Variants in DMD observed in about 807,000 individuals in gnomAD.
DMD encodes dystrophin.
A neutral mutation model predicts 330.1 loss-of-function variants in DMD; 63 were observed. The ratio of observed to expected loss-of-function variants is 0.19; its 90% CI spans 0.16 to 0.24. The LOEUF (loss-of-function observed/expected upper bound fraction) is 0.24. DMD is among the 10% of genes least tolerant of loss of function. The probability of loss-of-function intolerance (pLI) is 1.00; values close to 1 mark genes in which losing one functional copy is unlikely to be tolerated. For synonymous variants in DMD, 1,223 were observed against 959.8 expected (o/e 1.27, Z -5.07); for missense variants, 3,344 against 2,684.1 (o/e 1.25, Z -5.43).
chrX:31,801,913 C>T (rs2092086026), intron 50 of DMD, among the ~76,000 whole-genome samples: 1 of 110,912 alleles, frequency 9.0e-6, no homozygotes, highest in Admixed American at 9.6e-5. Flanking sequence ...GAGCGTCTTT[C>T]CTGAGTATAA....
chrX:33,293,176 T>A (rs60235628), intron 1 of DMD, among the ~76,000 whole-genome samples: 1 of 111,425 alleles, frequency 9.0e-6, no homozygotes, highest in African/African-American at 3.3e-5. Context: ...CCAGGCGATG[T>A]CTCTTTTTCA....
At chrX:31,627,394 T>G (rs1288648426) in intron 55 of DMD, among the ~76,000 whole-genome samples, 2 of 112,510 alleles carry the variant, frequency 1.8e-5, no homozygotes. Context: ...AAGTTATTTC[T>G]CTGAGCAAAG....
At chrX:31,719,419 C>T (rs764390588) in intron 52 of DMD, among the ~76,000 whole-genome samples, 2 of 112,063 alleles carry the variant, frequency 1.8e-5, no homozygotes, top group Admixed American at 1.9e-4. Context: ...TATTAGCTTC[C>T]TAGGTCTTTT....
intron 44 of DMD, among the ~76,000 whole-genome samples, chrX:31,987,446 G>A (rs914728648): frequency 9.0e-6 from 1 of 111,221 alleles, no homozygotes; most frequent in Non-Finnish European, 1.9e-5. Flanking sequence ...CCCCATTCTC[G>A]CTTTTCCCCT....
At chrX:32,101,401 T>C (rs1198996641) in intron 44 of DMD, among the ~76,000 whole-genome samples, 1 of 111,454 alleles carries the variant, frequency 9.0e-6, no homozygotes, top group African/African-American at 3.3e-5. Context: ...AAAAGTCATG[T>C]AGTGGGCATA....
intron 44 of DMD, among the ~76,000 whole-genome samples, chrX:31,978,363 C>T (rs1371185339): frequency 1.8e-5 from 2 of 110,604 alleles, no homozygotes; most frequent in Admixed American, 1.9e-4. Context: ...CCGGTTGATT[C>T]CATCGTTATT....
intron 43 of DMD, among the ~76,000 whole-genome samples, chrX:32,248,674 T>A (rs1265592541): frequency 9.1e-6 from 1 of 110,291 alleles, no homozygotes; most frequent in Admixed American, 9.8e-5. Flanking sequence ...TGGTTCTCAA[T>A]AAAATTTGAG....
intron 8 of DMD, among the ~76,000 whole-genome samples, chrX:32,698,673 C>G (rs1480723566): frequency 9.0e-6 from 1 of 111,569 alleles, no homozygotes; most frequent in African/African-American, 3.3e-5. Flanking sequence ...AAATTGTTAT[C>G]CTGAATAATC....
chrX:31,271,281 T>C (rs1372674248), intron 62 of DMD, among the ~76,000 whole-genome samples: 4 of 111,408 alleles, frequency 3.6e-5, no homozygotes, highest in Non-Finnish European at 7.5e-5. Flanking sequence ...CAAGAGACAG[T>C]TGGACATCTG....
Position 32,970,695 on chromosome X carries a change from C to A in DMD, c.93+49444G>T, listed in dbSNP as rs779561281. Among the ~76,000 whole-genome samples, 16 of 92,583 alleles carry A rather than the reference C, an allele frequency of 1.7e-4. 2 individuals are homozygous for A. The highest frequency in any genetic ancestry group is 3.3e-4 in the Non-Finnish European group (16 of 49,011). 80.4% of individuals were successfully genotyped at this position (92,583 alleles called of 115,157 possible). On this transcript the variant is annotated intron_variant, in intron 2 of 78. Coordinates refer to ENST00000357033, the MANE Select transcript of DMD (RefSeq NM_004006.3). ...AAATAATAACGAAATTCAGTGGATTCTGAATAAGGCACAATAAGAAGAATT... is the reference window on the plus strand; with the variant it reads ...AAATAATAACGAAATTCAGTGGATTATGAATAAGGCACAATAAGAAGAATT...
At chrX:32,471,747 G>A (rs751553116) in intron 22 of DMD, among the ~76,000 whole-genome samples, 3 of 111,600 alleles carry the variant, frequency 2.7e-5, no homozygotes, top group South Asian at 7.6e-4. Context: ...GATATTCATA[G>A]GAGTTCCTGG....
chrX:31,212,039 A>G (rs1156370075), intron 64 of DMD, among the ~76,000 whole-genome samples: 2 of 110,317 alleles, frequency 1.8e-5, no homozygotes, highest in East Asian at 5.6e-4. Flanking sequence ...TTTTGATGAA[A>G]CATTAAATGT....
intron 2 of DMD, among the ~76,000 whole-genome samples, chrX:32,908,175 T>G (rs2086888299): frequency 8.9e-6 from 1 of 112,303 alleles, no homozygotes; most frequent in Admixed American, 9.5e-5. Context: ...TTCTATTAAC[T>G]TATGATATAT....
chrX:31,546,380 A>C (rs1310825124), intron 55 of DMD, among the ~76,000 whole-genome samples: 2 of 111,663 alleles, frequency 1.8e-5, no homozygotes, highest in African/African-American at 6.5e-5. Context: ...CCTGAGCTGA[A>C]GCTAGAACGT....
chrX:32,498,139 C>G (rs929908502), intron 19 of DMD, among the ~76,000 whole-genome samples: 4 of 110,881 alleles, frequency 3.6e-5, no homozygotes, highest in Non-Finnish European at 7.6e-5. Context: ...CTCACTTGCC[C>G]TCATTAAGTT....
At chrX:32,382,014 C>T (rs747504491) in intron 33 of DMD, among the ~76,000 whole-genome samples, 2 of 110,735 alleles carry the variant, frequency 1.8e-5, no homozygotes, top group Non-Finnish European at 3.8e-5. Flanking sequence ...AGGAATATTG[C>T]GAGGGTAAAG....
At chrX:31,956,166 G>A (rs1339903818) in intron 45 of DMD, among the ~76,000 whole-genome samples, 4 of 111,592 alleles carry the variant, frequency 3.6e-5, no homozygotes, top group Non-Finnish European at 7.5e-5. Flanking sequence ...TGATCCATGA[G>A]TGTAAGGACC....
At position 31,910,407 on chromosome X, in the gene DMD, G is replaced by T. The variant is rs776535389; in HGVS notation, c.6912+19189C>A. ...TTAGAATACAGTCGATACACAGTAA[G>T]TTATTAATAAATATTAACTATCATT... On this transcript the variant is annotated intron_variant, in intron 47 of 78. Coordinates refer to ENST00000357033, the MANE Select transcript of DMD (RefSeq NM_004006.3). Among the ~76,000 whole-genome samples the T allele has an allele frequency of 1.8e-3, 207 of 112,276 alleles. 1 individual carries two copies. Among genetic ancestry groups the T allele is most frequent in the African/African-American group, 6.5e-3 (202 of 30,949 alleles).
At chrX:32,336,006 TTATATATAAC>T (rs1569558543) in intron 41 of DMD, among the ~76,000 whole-genome samples, 3 of 92,032 alleles carry the variant, frequency 3.3e-5, no homozygotes, top group Non-Finnish European at 6.7e-5. Context: ...ATATATAACG[TTATATATAAC>T]GTGTATATAT....
Sources: gnomAD v4.1 joint callset for allele counts (sites outside exome capture counted in the v4.1 genomes callset) on GRCh38, gnomAD v4.1.1 for gene constraint, MANE v1.5 for transcripts, NCBI Gene and HGNC (gene_info 2026-07-23, HGNC 2026-07-21) for gene names.